CHMP3: variants seen among roughly 807,000 people sequenced by gnomAD.
The protein encoded by CHMP3 is charged multivesicular body protein 3.
Under a neutral mutation model 27.4 loss-of-function variants are expected in CHMP3, and 8 were observed. That is an observed-to-expected ratio of 0.29 (90% CI 0.17 to 0.53). CHMP3 has a LOEUF of 0.53. Among genes scored for constraint, CHMP3 ranks in the 20% least tolerant of loss-of-function variants. The probability of loss-of-function intolerance (pLI) is 0.96; values close to 1 mark genes in which losing one functional copy is unlikely to be tolerated. For synonymous variants in CHMP3, 86 were observed against 85.5 expected, an observed-to-expected ratio of 1.01 and a Z score of -0.03; for missense variants, 208 against 271.5, an observed-to-expected ratio of 0.77 and a Z score of 1.64.
intron 1 of CHMP3, among the ~76,000 whole-genome samples, chr2:86,549,774 C>T (rs1196300524): frequency 2.7e-5 from 4 of 150,340 alleles, no homozygotes; most frequent in Non-Finnish European, 5.9e-5. Context: ...GCGCTCCTCG[C>T]CTCCCAGACG....
At chr2:86,521,241 T>G (rs1402407936) in intron 3 of CHMP3, among the ~76,000 whole-genome samples, 1 of 152,128 alleles carries the variant, frequency 6.6e-6, no homozygotes, top group African/African-American at 2.4e-5. Context: ...ATAAACAGCT[T>G]TATTGCTCAT....
intron 1 of CHMP3, among the ~76,000 whole-genome samples, chr2:86,549,735 C>G (rs1446718547): frequency 6.8e-6 from 1 of 146,094 alleles, no homozygotes; most frequent in Non-Finnish European, 1.5e-5. Flanking sequence ...CAGAGGCACC[C>G]ACTTCGCAGA....
At chr2:86,514,993 A>G (rs1171181815) in intron 3 of CHMP3, among the ~76,000 whole-genome samples, 3 of 152,182 alleles carry the variant, frequency 2.0e-5, no homozygotes, top group Non-Finnish European at 2.9e-5. Context: ...TCAAAGTAAC[A>G]CAGAGAGGAA....
chr2:86,555,833 CT>C lies in CHMP3; in HGVS notation c.45+7470del, dbSNP rs1398562810. Reference sequence around the variant, plus strand: ...TTGCATTTAGGAGCCACCTGAATAACTCCCCATCTCAAGAACCTTAATTTAT... The same window carrying C: ...TTGCATTTAGGAGCCACCTGAATAACCCCCATCTCAAGAACCTTAATTTAT... On this transcript the variant is annotated intron_variant, in intron 1 of 5. Transcript: ENST00000263856. Among the ~76,000 whole-genome samples the C allele has an allele frequency of 3.9e-5, 6 of 152,272 alleles. No individual in the cohort carries two copies. In the East Asian group the frequency reaches 1.2e-3, roughly 29 times the overall value.
chr2:86,540,969 T>C (rs1369157119), intron 2 of CHMP3: 2 of 152,080 alleles, frequency 1.3e-5, no homozygotes, highest in Non-Finnish European at 2.9e-5. Flanking sequence ...CATTGTTGGG[T>C]GCCTGCATTT....
At chr2:86,518,683 A>G (rs1016269901) in intron 3 of CHMP3, among the ~76,000 whole-genome samples, 1 of 152,042 alleles carries the variant, frequency 6.6e-6, no homozygotes, top group Non-Finnish European at 1.5e-5. Flanking sequence ...GTTTCTGCCC[A>G]CTAGATGCCA....
intron 2 of CHMP3, among the ~76,000 whole-genome samples, chr2:86,540,107 G>A (rs1219428529): frequency 6.6e-6 from 1 of 151,830 alleles, no homozygotes; most frequent in Non-Finnish European, 1.5e-5. Flanking sequence ...GTCTTTTTGG[G>A]GGGTTATCTT....
At chr2:86,538,576 T>C (rs77230469) in intron 2 of CHMP3, among the ~76,000 whole-genome samples, 2,366 of 152,300 alleles carry the variant, frequency 0.016, 31 homozygotes, top group Middle Eastern at 0.044. Flanking sequence ...CTCTAAGTGG[T>C]CGAACTTCAG....
chr2:86,524,858 TAAG>T (rs1457984534), intron 3 of CHMP3, among the ~76,000 whole-genome samples: 1 of 152,210 alleles, frequency 6.6e-6, no homozygotes, highest in Non-Finnish European at 1.5e-5. Context: ...ATTTCCATAA[TAAG>T]AAGTTAAAGA....
chr2:86,528,699 T>C (rs556277001), intron 3 of CHMP3, among the ~76,000 whole-genome samples: 1 of 152,196 alleles, frequency 6.6e-6, no homozygotes, highest in African/African-American at 2.4e-5. Flanking sequence ...ATTTTAAATA[T>C]CATGAGTTCC....
intron 2 of CHMP3, among the ~76,000 whole-genome samples, chr2:86,539,787 T>TA (rs1208315534): frequency 6.6e-6 from 1 of 152,118 alleles, no homozygotes; most frequent in African/African-American, 2.4e-5. Flanking sequence ...TATATTTACT[T>TA]ACATATTTAC....
At chr2:86,520,212 G>A (rs11891659) in intron 3 of CHMP3, among the ~76,000 whole-genome samples, 30,772 of 152,138 alleles carry the variant, frequency 0.2, 4,144 homozygotes, top group African/African-American at 0.38. Flanking sequence ...TCACACTGCT[G>A]TAAAGACATA....
At chr2:86,528,423 C>G (rs1030886) in intron 3 of CHMP3, among the ~76,000 whole-genome samples, 29,716 of 152,018 alleles carry the variant, frequency 0.2, 3,777 homozygotes, top group African/African-American at 0.35. Context: ...GGCCTCAAAC[C>G]CCTGGGCTCA....
chr2:86,532,799 T>A (rs1455730998), intron 2 of CHMP3, among the ~76,000 whole-genome samples: 1 of 152,224 alleles, frequency 6.6e-6, no homozygotes, highest in African/African-American at 2.4e-5. Flanking sequence ...GGCCGTGATG[T>A]ATACTCATTT....
chr2:86,549,241 C>A (rs1259760458), intron 1 of CHMP3, among the ~76,000 whole-genome samples: 1 of 146,038 alleles, frequency 6.8e-6, no homozygotes, highest in Non-Finnish European at 1.5e-5. Context: ...GGCAGAGGCG[C>A]TCCTCGCCTC....
intron 4 of CHMP3, among the ~76,000 whole-genome samples, chr2:86,508,201 G>C (rs1381935488): frequency 6.6e-6 from 1 of 152,146 alleles, no homozygotes. Flanking sequence ...ACAAGGTAAA[G>C]GCCAGACACT....
At chr2:86,553,940 T>A (rs1677011373) in intron 1 of CHMP3, among the ~76,000 whole-genome samples, 2 of 152,324 alleles carry the variant, frequency 1.3e-5, no homozygotes, top group Non-Finnish European at 2.9e-5. Flanking sequence ...CGATCTGCTG[T>A]GGTATGAATG....
intron 1 of CHMP3, among the ~76,000 whole-genome samples, chr2:86,548,478 CAT>C (rs1676704398): frequency 6.6e-6 from 1 of 152,188 alleles, no homozygotes; most frequent in African/African-American, 2.4e-5. Flanking sequence ...TGACACAGCA[CAT>C]GTTTCAGAGA....
intron 3 of CHMP3, among the ~76,000 whole-genome samples, chr2:86,517,457 T>A (rs1675355830): frequency 6.7e-6 from 1 of 149,944 alleles, no homozygotes; most frequent in African/African-American, 2.5e-5. Flanking sequence ...TCCCAGCTAC[T>A]CGGGAGGCTG....
Sources: gnomAD v4.1 joint callset for allele counts (sites outside exome capture counted in the v4.1 genomes callset) on GRCh38, gnomAD v4.1.1 for gene constraint, MANE v1.5 for transcripts, NCBI Gene and HGNC (gene_info 2026-07-23, HGNC 2026-07-21) for gene names.